The following TAS2R1 variants were observed in gnomAD, a reference collection of about 807,000 sequenced individuals.
TAS2R1 encodes the protein taste receptor type 2 member 1.
For synonymous variants in TAS2R1, 141 were observed against 134.2 expected, an observed-to-expected ratio of 1.05 and a Z score of -0.35; for missense variants, 370 against 353.4, an observed-to-expected ratio of 1.05 and a Z score of -0.38.
the TAS2R1 span, among the ~76,000 whole-genome samples, chr5:9,847,558 G>T: frequency 6.6e-6 from 1 of 152,320 alleles, no homozygotes; most frequent in Non-Finnish European, 1.5e-5. Flanking sequence ...GCAGGATGCA[G>T]CTAGAGCAAA....
At chr5:9,796,317 G>T in the TAS2R1 span, among the ~76,000 whole-genome samples, 1 of 152,100 alleles carries the variant, frequency 6.6e-6, no homozygotes, top group Non-Finnish European at 1.5e-5. Context: ...CTACCCCACT[G>T]GGCCCAGGCA....
At chr5:9,757,072 C>A in the TAS2R1 span, among the ~76,000 whole-genome samples, 1 of 152,124 alleles carries the variant, frequency 6.6e-6, no homozygotes, top group Non-Finnish European at 1.5e-5. Context: ...AAAGAATAAT[C>A]TTTCATTCTG....
the TAS2R1 span, among the ~76,000 whole-genome samples, chr5:9,844,771 G>A: frequency 6.6e-6 from 1 of 152,048 alleles, no homozygotes; most frequent in Non-Finnish European, 1.5e-5. Flanking sequence ...TACAAAAAAA[G>A]TAAGCTAATC....
At chr5:9,677,461 A>AT (rs397708581) in intron 1 of TAS2R1, among the ~76,000 whole-genome samples, 20 of 151,412 alleles carry the variant, frequency 1.3e-4, no homozygotes, top group Admixed American at 6.6e-5. Context: ...AAAAAAAAAA[A>AT]TTTGCAGGCC....
intron 1 of TAS2R1, among the ~76,000 whole-genome samples, chr5:9,698,330 G>A (rs1234585378): frequency 6.6e-6 from 1 of 152,082 alleles, no homozygotes; most frequent in Non-Finnish European, 1.5e-5. Context: ...AATGGCTTAG[G>A]TATTTTGTAT....
chr5:9,629,705 C>A lies in TAS2R1; in HGVS notation c.328G>T (p.Val110Phe), dbSNP rs767333394. ...GVFYCAKVAS[V>F]RHPLFIWLKM... The stretch of plus-strand genomic sequence containing the variant: ...AACCAGATGAAGAGTGGGTGACGGA[C>A]GCTGGCAACCTTGGCACAATAGAAA... Residue 110 changes from valine to phenylalanine, a missense_variant, in exon 1 of 1, where the codon GTC (valine) becomes TTC (phenylalanine). Physicochemically the swap from Val to Phe is conservative, Grantham distance 50. Coordinates refer to ENST00000382492, the MANE Select transcript of TAS2R1 (RefSeq NM_019599.3). 1.2e-6 allele frequency: 2 copies of A among 1,614,100 alleles called. No individual in the cohort carries two copies. Among genetic ancestry groups the A allele is most frequent in the South Asian group, 1.1e-5 (1 of 91,054 alleles).
chr5:9,662,485 G>C (rs1367080177), intron 1 of TAS2R1, among the ~76,000 whole-genome samples: 1 of 152,140 alleles, frequency 6.6e-6, no homozygotes, highest in African/African-American at 2.4e-5. Flanking sequence ...ATCCAGGAGT[G>C]ACAGTTGTCA....
intron 1 of TAS2R1, among the ~76,000 whole-genome samples, chr5:9,711,408 A>AT (rs1184833625): frequency 2.6e-5 from 4 of 152,358 alleles, no homozygotes; most frequent in East Asian, 1.9e-4. Context: ...GAAATAAGTC[A>AT]TCACAGAAGG....
the TAS2R1 span, among the ~76,000 whole-genome samples, chr5:9,839,665 C>A: frequency 6.6e-6 from 1 of 152,160 alleles, no homozygotes; most frequent in Non-Finnish European, 1.5e-5. Flanking sequence ...AAATTCTTCA[C>A]AGGCTTAACA....
In TAS2R1 at chr5:9,628,778, A is replaced by C. The variant is rs1167300023; in HGVS notation, c.*355T>G. Among the ~76,000 whole-genome samples the C allele has an allele frequency of 6.6e-6, 1 of 152,164 alleles. No homozygotes were observed. The highest frequency in any genetic ancestry group is 1.5e-5 in the Non-Finnish European group (1 of 68,028). On this transcript the variant is annotated 3_prime_UTR_variant, in exon 1 of 1. Transcript: ENST00000382492. ...AAACAAGTGCTTTTCTTTTTCATCA[A>C]ACTTTTAATTTTGAAATAATTGTAG...
chr5:9,777,325 G>A, the TAS2R1 span, among the ~76,000 whole-genome samples: 8 of 152,234 alleles, frequency 5.3e-5, no homozygotes, highest in South Asian at 2.1e-4. Context: ...GTCTTTTGTG[G>A]TTGTTTCAAT....
the TAS2R1 span, among the ~76,000 whole-genome samples, chr5:9,752,381 C>CAAGTAGCA: frequency 2.0e-5 from 3 of 152,160 alleles, no homozygotes; most frequent in East Asian, 5.8e-4. Flanking sequence ...CTTGTTTCTT[C>CAAGTAGCA]TTTACATGCT....
chr5:9,824,028 G>T, the TAS2R1 span, among the ~76,000 whole-genome samples: 1 of 152,178 alleles, frequency 6.6e-6, no homozygotes, highest in East Asian at 1.9e-4. Flanking sequence ...TGCCTCCTGA[G>T]AACTGAAGCT....
At chr5:9,882,841 T>C in the TAS2R1 span, among the ~76,000 whole-genome samples, 49 of 152,126 alleles carry the variant, frequency 3.2e-4, no homozygotes, top group African/African-American at 1.1e-3. Flanking sequence ...CAAAGGAATA[T>C]AGGAATATAA....
At chr5:9,818,856 C>T in the TAS2R1 span, among the ~76,000 whole-genome samples, 3 of 152,152 alleles carry the variant, frequency 2.0e-5, no homozygotes, top group Admixed American at 2.0e-4. Flanking sequence ...CAACCTACCG[C>T]CACACAGCCC....
intron 2 of TAS2R1, among the ~76,000 whole-genome samples, chr5:9,640,998 C>T (rs1740071464): frequency 6.6e-6 from 1 of 152,028 alleles, no homozygotes; most frequent in Non-Finnish European, 1.5e-5. Context: ...GTACTGATCC[C>T]GTGGTGTGCG....
At chr5:9,636,722 T>C (rs543127573) in intron 2 of TAS2R1, among the ~76,000 whole-genome samples, 1 of 152,266 alleles carries the variant, frequency 6.6e-6, no homozygotes, top group East Asian at 1.9e-4. Flanking sequence ...TTAAAGTCTG[T>C]TTTGCCTGAT....
At chr5:9,805,356 A>T in the TAS2R1 span, among the ~76,000 whole-genome samples, 1 of 152,134 alleles carries the variant, frequency 6.6e-6, no homozygotes, top group African/African-American at 2.4e-5. Flanking sequence ...CACTATTCCA[A>T]ACAATAGAGA....
chr5:9,902,573 A>T, the TAS2R1 span: 2 of 152,088 alleles, frequency 1.3e-5, no homozygotes, highest in Non-Finnish European at 2.9e-5. Flanking sequence ...TCTTAGATCC[A>T]TCATAGAGGT....
Sources: allele counts gnomAD v4.1 joint callset (sites outside exome capture counted in the v4.1 genomes callset), GRCh38; gene constraint gnomAD v4.1.1; transcripts MANE v1.5; gene names NCBI Gene and HGNC (gene_info 2026-07-23, HGNC 2026-07-21).